ACTN4: variants seen among roughly 807,000 people sequenced by gnomAD.
ACTN4 encodes the protein alpha-actinin-4.
Under a neutral mutation model 114.2 loss-of-function variants are expected in ACTN4, and 18 were observed. That is an observed-to-expected ratio of 0.16 (90% CI 0.11 to 0.23). ACTN4 has a LOEUF of 0.23. ACTN4 is among the 10% of genes least tolerant of loss of function. The pLI, the probability that ACTN4 is intolerant of heterozygous loss-of-function variation, is 1.00. For missense variants in ACTN4, 722 were observed against 1,262.9 expected (o/e 0.57, Z 6.49); for synonymous variants, 515 against 506.3 (o/e 1.02, Z -0.23).
intron 1 of ACTN4, among the ~76,000 whole-genome samples, chr19:38,671,375 C>T (rs541502347): frequency 3.9e-5 from 6 of 152,304 alleles, no homozygotes; most frequent in East Asian, 1.9e-4. Flanking sequence ...CCATTCTGCA[C>T]GCACAATAAC....
chr19:38,720,322 A>G (rs1968996871), intron 11 of ACTN4, among the ~76,000 whole-genome samples: 1 of 152,030 alleles, frequency 6.6e-6, no homozygotes, highest in African/African-American at 2.4e-5. Context: ...AGCTGTGGCA[A>G]TGGTCCGCTG....
At chr19:38,701,448 C>T (rs1968273862) in intron 3 of ACTN4, among the ~76,000 whole-genome samples, 1 of 152,208 alleles carries the variant, frequency 6.6e-6, no homozygotes, top group Non-Finnish European at 1.5e-5. Flanking sequence ...CTCCTTGTGC[C>T]AGGCTCAGCA....
intron 1 of ACTN4, among the ~76,000 whole-genome samples, chr19:38,682,300 G>A (rs935822269): frequency 3.9e-5 from 6 of 152,098 alleles, no homozygotes; most frequent in South Asian, 4.1e-4. Flanking sequence ...TCAGCCTCCC[G>A]AAGTGCTGGG....
Position 38,717,046 on chromosome 19 carries a change from G to A in ACTN4, c.913-40G>A, listed in dbSNP as rs376113967. The A allele has an allele frequency of 1.1e-5, 18 of 1,585,388 alleles. No individual in the cohort carries two copies. The highest frequency in any genetic ancestry group is 2.7e-5 in the African/African-American group (2 of 74,262). ...GGGGGCAGCCCGTCAGCACTCTGAG[G>A]GTCCCCCACAAAGGCCACGCTGGCT... On this transcript the variant is annotated intron_variant, in intron 9 of 20. Coordinates refer to ENST00000252699, the MANE Select transcript of ACTN4 (RefSeq NM_004924.6). The surrounding 1 kb of genome is among the most constrained non-coding windows in gnomAD (Gnocchi z 4.0).
At chr19:38,718,995 C>G (rs75578422) in intron 11 of ACTN4, among the ~76,000 whole-genome samples, 3,190 of 152,324 alleles carry the variant, frequency 0.021, 143 homozygotes, top group South Asian at 0.15. Flanking sequence ...GTGAGCTCCT[C>G]CCACCTCCCA....
At chr19:38,666,589 G>T (rs1248023458) in intron 1 of ACTN4, among the ~76,000 whole-genome samples, 1 of 152,246 alleles carries the variant, frequency 6.6e-6, no homozygotes, top group Non-Finnish European at 1.5e-5. Context: ...GTGGGAGCCC[G>T]CTCGGAGACA....
At chr19:38,708,304 T>G in intron 6 of ACTN4, 109 bp downstream of exon 6, 1 of 1,257,084 alleles carries the variant, frequency 8.0e-7, no homozygotes, top group Non-Finnish European at 1.1e-6. Flanking sequence ...AGATCTGGGT[T>G]CTGCACGCAG....
At chr19:38,720,235 T>G (rs1599850821) in intron 11 of ACTN4, among the ~76,000 whole-genome samples, 1 of 152,298 alleles carries the variant, frequency 6.6e-6, no homozygotes, top group East Asian at 1.9e-4. Flanking sequence ...CTGAGGGACT[T>G]GATTTCCTGG....
In ACTN4 at chr19:38,717,887, C is replaced by G. The variant is rs371340759; in HGVS notation, c.1144-40C>G. ...GGAGACATCCCCCTGGGTGCCTCCA[C>G]TTCCTTGTGATAGCCCTGCCTGCTC... On this transcript the variant is annotated intron_variant, in intron 10 of 20. Coordinates refer to ENST00000252699, the MANE Select transcript of ACTN4 (RefSeq NM_004924.6). The surrounding 1 kb of genome is among the most constrained non-coding windows in gnomAD (Gnocchi z 4.0). The G allele has an allele frequency of 6.4e-7, 1 of 1,562,304 alleles. No homozygotes were observed. The highest frequency in any genetic ancestry group is 8.7e-7 in the Non-Finnish European group (1 of 1,153,078).
At chr19:38,720,259 C>T (rs529692753) in intron 11 of ACTN4, among the ~76,000 whole-genome samples, 1 of 152,326 alleles carries the variant, frequency 6.6e-6, no homozygotes, top group East Asian at 1.9e-4. Flanking sequence ...TACGACCAAC[C>T]CCGAACGACC....
At chr19:38,725,973 C>A (rs1969220298) in intron 17 of ACTN4, 70 bp downstream of exon 17, 1 of 1,575,076 alleles carries the variant, frequency 6.3e-7, no homozygotes, top group South Asian at 1.1e-5. Flanking sequence ...ATGGTTCGGG[C>A]CAGTGAGAAG....
intron 1 of ACTN4, among the ~76,000 whole-genome samples, chr19:38,684,531 C>T (rs906260896): frequency 6.6e-5 from 10 of 152,342 alleles, no homozygotes; most frequent in African/African-American, 2.2e-4. Flanking sequence ...TGTCCTTTGA[C>T]GTCATACCCA....
intron 11 of ACTN4, 196 bp downstream of exon 11, chr19:38,718,270 T>G (rs1021441667): frequency 3.1e-6 from 3 of 965,028 alleles, no homozygotes; most frequent in South Asian, 2.8e-5. Context: ...CTCACACCTG[T>G]AATCCCAGCA....
chr19:38,710,760 G>T, intron 8 of ACTN4: 1 of 334,442 alleles, frequency 3.0e-6, no homozygotes, highest in South Asian at 2.4e-5. Flanking sequence ...GGAGCTGCTA[G>T]ATGCAGGCTG....
intron 11 of ACTN4, 67 bp downstream of exon 11, chr19:38,718,141 T>C: frequency 6.4e-7 from 1 of 1,555,854 alleles, no homozygotes; most frequent in Non-Finnish European, 8.7e-7. Context: ...CTCTCAGGCA[T>C]GCATGGGTGT....
chr19:38,677,727 G>A (rs1471362890), intron 1 of ACTN4, among the ~76,000 whole-genome samples: 1 of 152,172 alleles, frequency 6.6e-6, no homozygotes, highest in East Asian at 1.9e-4. Flanking sequence ...CAAACAGGAT[G>A]CGATGCTTTT....
At chr19:38,728,435 C>CTCCTCCTCCTCA in intron 19 of ACTN4, 1 of 1,064,524 alleles carries the variant, frequency 9.4e-7, no homozygotes. Flanking sequence ...CCTCCTCCTC[C>CTCCTCCTCCTCA]TCCTCCTCCT....
At chr19:38,662,156 G>A (rs1454529536) in intron 1 of ACTN4, among the ~76,000 whole-genome samples, 1 of 152,194 alleles carries the variant, frequency 6.6e-6, no homozygotes, top group African/African-American at 2.4e-5. Flanking sequence ...CCAGGAATAT[G>A]ACAGGTTTCA....
At position 38,706,088 on chromosome 19, in the gene ACTN4, A is replaced by T; in HGVS notation, c.529A>T (p.Thr177Ser). 1.9e-6 allele frequency: 3 copies of T among 1,614,152 alleles called. No homozygotes were observed. Among genetic ancestry groups the T allele is most frequent in the Non-Finnish European group, 2.5e-6 (3 of 1,179,990 alleles). The change falls in exon 5 of 21, where the codon ACA (threonine) becomes TCA (serine). Residue 177 changes from threonine (T) to serine (S), a missense_variant. Physicochemically the swap from Thr to Ser is moderately conservative, Grantham distance 58. Coordinates refer to ENST00000252699, the MANE Select transcript of ACTN4 (RefSeq NM_004924.6). ...GCTCCTTCTCTGGTGCCAGAGAAAG[A>T]CAGCCCCGTATAAGAACGTCAATGT... ...EGLLLWCQRKTAPYKNVNVQN... is the reference protein window; with the variant it reads ...EGLLLWCQRKSAPYKNVNVQN...
Sources: gnomAD v4.1 joint callset for allele counts (sites outside exome capture counted in the v4.1 genomes callset) on GRCh38, gnomAD v4.1.1 for gene constraint, Gnocchi (gnomAD v3.1) non-coding constraint, MANE v1.5 for transcripts, NCBI Gene and HGNC (gene_info 2026-07-23, HGNC 2026-07-21) for gene names.